CPAP: variants seen among roughly 807,000 people sequenced by gnomAD.
CPAP encodes centrosome assembly and centriole elongation protein, also known as centrosomal P4.1-associated protein.
the CPAP span, among the ~76,000 whole-genome samples, chr13:24,907,544 A>T: frequency 6.6e-6 from 1 of 151,968 alleles, no homozygotes; most frequent in African/African-American, 2.4e-5. Flanking sequence ...TTAATGTGAG[A>T]ACAATAATCA....
chr13:24,904,196 C>T, the CPAP span: 1 of 996,782 alleles, frequency 1.0e-6, no homozygotes, highest in South Asian at 1.5e-5. Context: ...ATGCTTCAAA[C>T]ATGAAAAGGA....
At chr13:24,883,866 C>T in the CPAP span, 1 of 1,383,864 alleles carries the variant, frequency 7.2e-7, no homozygotes, top group Non-Finnish European at 1.0e-6. Context: ...ATATGGGTGT[C>T]ACATATCATC....
the CPAP span, among the ~76,000 whole-genome samples, chr13:24,927,218 G>A: frequency 1.3e-5 from 2 of 152,156 alleles, no homozygotes; most frequent in African/African-American, 4.8e-5. Context: ...TCACTATGCA[G>A]AGCCCTTTCT....
the CPAP span, among the ~76,000 whole-genome samples, chr13:24,894,912 G>A: frequency 6.6e-6 from 1 of 152,184 alleles, no homozygotes; most frequent in African/African-American, 2.4e-5. Flanking sequence ...CGGGAGAGGA[G>A]CCGGGAGGGG....
chr13:24,924,322 C>T, the CPAP span, among the ~76,000 whole-genome samples: 1 of 60,928 alleles, frequency 1.6e-5, no homozygotes, highest in African/African-American at 4.9e-5. Context: ...TAAGGATAGT[C>T]GCAATATCCT....
the CPAP span, among the ~76,000 whole-genome samples, chr13:24,918,327 T>G: frequency 2.0e-5 from 3 of 152,168 alleles, no homozygotes; most frequent in African/African-American, 7.2e-5. Context: ...TTGAGACATT[T>G]TCAGCAAAAA....
the CPAP span, chr13:24,909,725 AG>A: frequency 7.0e-7 from 1 of 1,423,524 alleles, no homozygotes; most frequent in South Asian, 1.2e-5. Flanking sequence ...AAACATGGAA[AG>A]GCTTCATCTT....
the CPAP span, among the ~76,000 whole-genome samples, chr13:24,914,184 G>C: frequency 6.6e-6 from 1 of 152,110 alleles, no homozygotes; most frequent in Non-Finnish European, 1.5e-5. Flanking sequence ...GTAAAATTAA[G>C]GACCAAGGGA....
At chr13:24,905,516 T>C in the CPAP span, 1 of 1,614,194 alleles carries the variant, frequency 6.2e-7, no homozygotes, top group African/African-American at 1.3e-5. Context: ...TGGTGCAATC[T>C]TCCTTTTTAT....
At chr13:24,925,413 G>A in the CPAP span, among the ~76,000 whole-genome samples, 12 of 152,316 alleles carry the variant, frequency 7.9e-5, no homozygotes, top group South Asian at 2.5e-3. Context: ...TGTAATCCCA[G>A]CACTTTGGGA....
At chr13:24,900,039 A>G in the CPAP span, among the ~76,000 whole-genome samples, 1 of 151,664 alleles carries the variant, frequency 6.6e-6, no homozygotes, top group Non-Finnish European at 1.5e-5. Context: ...AAATAAGTAC[A>G]TGGAATATTA....
At chr13:24,888,949 G>C in the CPAP span, among the ~76,000 whole-genome samples, 1 of 151,944 alleles carries the variant, frequency 6.6e-6, no homozygotes, top group African/African-American at 2.4e-5. Context: ...TTTTTTTCAA[G>C]TTTTGGAATA....
At chr13:24,905,472 T>C in the CPAP span, 1 of 1,614,120 alleles carries the variant, frequency 6.2e-7, no homozygotes, top group African/African-American at 1.3e-5. Flanking sequence ...CTTCTGCTCC[T>C]CCTGGACTTG....
the CPAP span, among the ~76,000 whole-genome samples, chr13:24,901,938 C>A: frequency 6.6e-6 from 1 of 152,106 alleles, no homozygotes; most frequent in Non-Finnish European, 1.5e-5. Context: ...TTGCAGTGAG[C>A]CAAGATTGTA....
chr13:24,905,888 G>T, the CPAP span: 1 of 1,613,998 alleles, frequency 6.2e-7, no homozygotes, highest in South Asian at 1.1e-5. Context: ...ATCCTCAGTC[G>T]ATGGTTTTAT....
At chr13:24,912,777 G>GT in the CPAP span, 2 of 1,614,202 alleles carry the variant, frequency 1.2e-6, no homozygotes, top group Non-Finnish European at 1.7e-6. Context: ...TGTAAGGGTT[G>GT]TTTGACTCCA....
At chr13:24,917,512 A>G in the CPAP span, among the ~76,000 whole-genome samples, 44 of 152,320 alleles carry the variant, frequency 2.9e-4, no homozygotes, top group Non-Finnish European at 5.6e-4. Context: ...AGCCCATGTC[A>G]GTGTGCATCA....
At chr13:24,892,870 C>T in the CPAP span, 2 of 1,546,368 alleles carry the variant, frequency 1.3e-6, no homozygotes, top group African/African-American at 1.4e-5. Context: ...TTTAAAGTCT[C>T]TCAAAAAAAA....
chr13:24,885,229 CAT>C, the CPAP span: 39 of 1,253,216 alleles, frequency 3.1e-5, no homozygotes, highest in East Asian at 4.2e-4. Context: ...TATTTTAACC[CAT>C]GTTTATTTTT....
Sources: allele counts gnomAD v4.1 joint callset (sites outside exome capture counted in the v4.1 genomes callset), GRCh38; gene constraint gnomAD v4.1.1; transcripts MANE v1.5; gene names NCBI Gene and HGNC (gene_info 2026-07-23, HGNC 2026-07-21).